SNX25: variants seen among roughly 807,000 people sequenced by gnomAD.
SNX25 encodes the protein sorting nexin 25.
In SNX25, 62 loss-of-function variants were observed where a neutral mutation model predicts 113.7. The observed-to-expected ratio is 0.55, with a 90% CI of 0.44 to 0.67. SNX25 has a LOEUF of 0.67. Ranked by LOEUF, SNX25 falls within the 30% of genes least tolerant of loss-of-function variation. The pLI is 0.00. For synonymous variants in SNX25, 421 were observed against 436.2 expected (o/e 0.97, Z 0.43); for missense variants, 1,014 against 1,161.0 (o/e 0.87, Z 1.84).
At chr4:185,305,618 T>G (rs116127289) in intron 6 of SNX25, among the ~76,000 whole-genome samples, 4 of 152,302 alleles carry the variant, frequency 2.6e-5, no homozygotes, top group Non-Finnish European at 5.9e-5. Flanking sequence ...GGCAGGGGAT[T>G]TATAGCGAAA....
intron 6 of SNX25, among the ~76,000 whole-genome samples, chr4:185,294,444 CAATG>C (rs1443808833): frequency 2.0e-5 from 3 of 152,084 alleles, no homozygotes; most frequent in Non-Finnish European, 4.4e-5. Flanking sequence ...AAAGGGTTCT[CAATG>C]AAGATACTGA....
intron 1 of SNX25, among the ~76,000 whole-genome samples, chr4:185,211,601 T>C (rs896802763): frequency 1.3e-5 from 2 of 152,234 alleles, no homozygotes; most frequent in Non-Finnish European, 2.9e-5. Context: ...GAGCATCTTG[T>C]GTGAGCCAGG....
intron 2 of SNX25, among the ~76,000 whole-genome samples, chr4:185,254,193 CTT>C (rs536224107): frequency 1.0e-4 from 15 of 149,246 alleles, no homozygotes; most frequent in Non-Finnish European, 1.9e-4. Flanking sequence ...AATATGTATA[CTT>C]TTTTTTTTGT....
At chr4:185,353,463 T>C in intron 14 of SNX25, 22 bp from the exon 15 acceptor site, 1 of 1,585,426 alleles carries the variant, frequency 6.3e-7, no homozygotes, top group Non-Finnish European at 8.7e-7. Context: ...ATCTGCTTCC[T>C]ATGACTTTGC....
chr4:185,248,440 T>C (rs941736593), intron 2 of SNX25, among the ~76,000 whole-genome samples: 2 of 151,920 alleles, frequency 1.3e-5, no homozygotes, highest in Non-Finnish European at 1.5e-5. Flanking sequence ...GGTGAATTGC[T>C]TGAGCCCAGG....
intron 1 of SNX25, among the ~76,000 whole-genome samples, chr4:185,224,828 C>CT (rs1229891482): frequency 1.3e-5 from 2 of 151,478 alleles, no homozygotes; most frequent in African/African-American, 2.4e-5. Context: ...CCCTTGTGGT[C>CT]TTTGAGTGTT....
the SNX25 span, chr4:185,377,208 A>C: frequency 1.8e-6 from 1 of 570,328 alleles, no homozygotes; most frequent in Non-Finnish European, 3.1e-6. Context: ...AGGCCCTAAC[A>C]CTGTGCCTTG....
chr4:185,341,471 T>TA (rs2095259642), intron 11 of SNX25, among the ~76,000 whole-genome samples: 1 of 152,204 alleles, frequency 6.6e-6, no homozygotes, highest in Non-Finnish European at 1.5e-5. Flanking sequence ...ATTTCATGCT[T>TA]AAAGCAACAC....
At chr4:185,231,102 G>GTTT (rs33972141) in intron 1 of SNX25, among the ~76,000 whole-genome samples, 1 of 140,542 alleles carries the variant, frequency 7.1e-6, no homozygotes. Context: ...CCTTTTTTTT[G>GTTT]TTTTTTTTTT....
At chr4:185,288,643 A>C (rs116237946) in intron 6 of SNX25, among the ~76,000 whole-genome samples, 1 of 151,054 alleles carries the variant, frequency 6.6e-6, no homozygotes, top group East Asian at 1.9e-4. Context: ...ATATTGCTCT[A>C]TCTTTTTCTT....
chr4:185,253,413 C>G (rs902709903), intron 2 of SNX25, among the ~76,000 whole-genome samples: 2 of 151,972 alleles, frequency 1.3e-5, no homozygotes, highest in African/African-American at 4.8e-5. Context: ...TACCGTTACC[C>G]TCATTTTTTG....
chr4:185,251,338 A>G (rs1225506804), intron 2 of SNX25, among the ~76,000 whole-genome samples: 2 of 152,090 alleles, frequency 1.3e-5, no homozygotes, highest in Non-Finnish European at 2.9e-5. Context: ...CATGCAACCA[A>G]TCTCTAGAAC....
At chr4:185,336,323 C>T (rs1257063830) in intron 10 of SNX25, among the ~76,000 whole-genome samples, 4 of 152,140 alleles carry the variant, frequency 2.6e-5, no homozygotes, top group Non-Finnish European at 4.4e-5. Flanking sequence ...CCTCATCCCC[C>T]GCCAACCCTT....
At chr4:185,323,454 C>G in intron 8 of SNX25, 74 bp from the exon 9 acceptor site, 1 of 1,433,060 alleles carries the variant, frequency 7.0e-7, no homozygotes, top group Admixed American at 2.2e-5. Context: ...CTTTCAAATG[C>G]AAATAATTCA....
At chr4:185,286,767 A>C (rs1751407604) in intron 5 of SNX25, among the ~76,000 whole-genome samples, 1 of 152,244 alleles carries the variant, frequency 6.6e-6, no homozygotes, top group Admixed American at 6.5e-5. Context: ...CTGGCATGCC[A>C]ACACTGCTCC....
chr4:185,275,182 G>A (rs1002337947), intron 5 of SNX25, among the ~76,000 whole-genome samples: 3 of 152,166 alleles, frequency 2.0e-5, no homozygotes, highest in African/African-American at 7.2e-5. Flanking sequence ...ATTTACCACC[G>A]ATCTAGTCTT....
chr4:185,368,876 C>T (rs1397648318), downstream of SNX25, among the ~76,000 whole-genome samples: 2 of 151,582 alleles, frequency 1.3e-5, no homozygotes, highest in African/African-American at 2.4e-5. Context: ...TCACTGCAGC[C>T]TCCTCCTTGC....
chr4:185,257,338 A>G (rs536980129), intron 2 of SNX25, among the ~76,000 whole-genome samples: 2 of 152,258 alleles, frequency 1.3e-5, no homozygotes, highest in African/African-American at 2.4e-5. Flanking sequence ...CAAAAGACCT[A>G]GCTTCTTGCA....
At chr4:185,260,355 A>G (rs1201070822) in intron 3 of SNX25, among the ~76,000 whole-genome samples, 3 of 152,096 alleles carry the variant, frequency 2.0e-5, no homozygotes, top group Admixed American at 6.6e-5. Flanking sequence ...TATGGGTTCT[A>G]TCTAGTGGCG....
Sources: gnomAD v4.1 joint callset for allele counts (sites outside exome capture counted in the v4.1 genomes callset) on GRCh38, gnomAD v4.1.1 for gene constraint, MANE v1.5 for transcripts, NCBI Gene and HGNC (gene_info 2026-07-23, HGNC 2026-07-21) for gene names.